The following PALM2AKAP2 variants were observed in gnomAD, a reference collection of about 807,000 sequenced individuals.
PALM2AKAP2 encodes PALM2 and AKAP2 fusion.
A neutral mutation model predicts 71.5 loss-of-function variants in PALM2AKAP2; 37 were observed. The observed-to-expected ratio is 0.52, with a 90% CI of 0.40 to 0.68. PALM2AKAP2 has a LOEUF of 0.68. PALM2AKAP2 is among the 30% of genes least tolerant of loss of function. The pLI is 0.00. For missense variants in PALM2AKAP2, 1,224 were observed against 1,191.8 expected (o/e 1.03, Z -0.40); for synonymous variants, 468 against 478.8 (o/e 0.98, Z 0.29).
At chr9:109,792,045 G>C (rs575833402) in intron 1 of PALM2AKAP2, among the ~76,000 whole-genome samples, 23 of 152,274 alleles carry the variant, frequency 1.5e-4, no homozygotes, top group Middle Eastern at 6.8e-3. Flanking sequence ...ATAGTATGTG[G>C]GAATGGGGGC....
At chr9:109,855,396 C>T (rs1266594193) in intron 1 of PALM2AKAP2, among the ~76,000 whole-genome samples, 1 of 152,124 alleles carries the variant, frequency 6.6e-6, no homozygotes, top group African/African-American at 2.4e-5. Flanking sequence ...TCTTTAATGG[C>T]TGTGTTTTAT....
chr9:109,809,915 T>C (rs1827683389), intron 1 of PALM2AKAP2, among the ~76,000 whole-genome samples: 1 of 152,198 alleles, frequency 6.6e-6, no homozygotes, highest in Non-Finnish European at 1.5e-5. Flanking sequence ...GAAGGACATG[T>C]TTGCTTCCCC....
chr9:109,784,464 G>A (rs1038454649), intron 1 of PALM2AKAP2, among the ~76,000 whole-genome samples: 11 of 152,102 alleles, frequency 7.2e-5, no homozygotes, highest in East Asian at 1.9e-4. Flanking sequence ...TTGTTTATTC[G>A]TTATTTGATT....
intron 3 of PALM2AKAP2, among the ~76,000 whole-genome samples, chr9:109,887,966 C>T (rs140754652): frequency 1.1e-4 from 17 of 152,166 alleles, no homozygotes; most frequent in African/African-American, 3.1e-4. Flanking sequence ...GTGCATCAGA[C>T]GCACCATGAC....
intron 1 of PALM2AKAP2, among the ~76,000 whole-genome samples, chr9:109,654,750 GGTGT>G (rs374397482): frequency 8.9e-4 from 131 of 147,290 alleles, no homozygotes; most frequent in East Asian, 3.8e-3. Context: ...GTATGTGTAT[GGTGT>G]GTGTGTGTGT....
intron 6 of PALM2AKAP2, among the ~76,000 whole-genome samples, chr9:109,997,889 G>A (rs1469130360): frequency 6.6e-6 from 1 of 152,226 alleles, no homozygotes; most frequent in Non-Finnish European, 1.5e-5. Flanking sequence ...GCTTATCCTG[G>A]GGTGGGGCTT....
chr9:109,996,195 G>T (rs572368776), intron 6 of PALM2AKAP2, among the ~76,000 whole-genome samples: 33 of 152,278 alleles, frequency 2.2e-4, no homozygotes, highest in African/African-American at 7.7e-4. Flanking sequence ...ACATTTTTAG[G>T]GAGCAAATGT....
chr9:109,795,180 C>T lies in PALM2AKAP2; in HGVS notation c.45+14647C>T, dbSNP rs150085025. Among the ~76,000 whole-genome samples, 531 of 152,308 alleles carry T rather than the reference C, an allele frequency of 3.5e-3. 2 individuals carry two copies. The highest frequency in any genetic ancestry group is 0.012 in the African/African-American group (504 of 41,572). ...CTCTATCCATTAAATGCTAGTAGCACACCCCACTCTTCATTGTGACAATCA... is the reference window on the plus strand; with the variant it reads ...CTCTATCCATTAAATGCTAGTAGCATACCCCACTCTTCATTGTGACAATCA... On this transcript the variant is annotated intron_variant, in intron 1 of 9. Coordinates refer to the PALM2AKAP2 transcript ENST00000302798.
rs186652074 is a variant in PALM2AKAP2, at chr9:109,983,142, A to T, written c.497-32812A>T. Among the ~76,000 whole-genome samples, 308 of 152,220 alleles carry T rather than the reference A, an allele frequency of 2.0e-3. 1 individual carries two copies. Among genetic ancestry groups the T allele is most frequent in the African/African-American group, 6.7e-3 (280 of 41,536 alleles). On this transcript the variant is annotated intron_variant, in intron 6 of 9. Transcript: ENST00000302798. ...GGGTTTTCTTTCTATGAGAGTGGGG[A>T]TTCCTCTATAAAATTTCCGGCTTTC...
chr9:110,031,196 C>T (rs188340935), intron 7 of PALM2AKAP2, among the ~76,000 whole-genome samples: 85 of 152,286 alleles, frequency 5.6e-4, no homozygotes, highest in African/African-American at 1.7e-3. Flanking sequence ...CATCTTGGCT[C>T]ACTGCAACCT....
chr9:110,106,872 G>A (rs915622468), intron 1 of PALM2AKAP2, among the ~76,000 whole-genome samples: 1 of 152,192 alleles, frequency 6.6e-6, no homozygotes, highest in African/African-American at 2.4e-5. Context: ...TTCAATTCCA[G>A]CAATTAGCCC....
intron 4 of PALM2AKAP2, 117 bp from the exon 5 acceptor site, chr9:109,924,944 A>G (rs1386533245): frequency 1.4e-6 from 2 of 1,473,488 alleles, no homozygotes; most frequent in Non-Finnish European, 1.9e-6. Context: ...TCCCCAGCAC[A>G]GTCAAATTCT....
upstream of PALM2AKAP2, chr9:110,048,670 A>G (rs956528748): frequency 4.2e-5 from 63 of 1,497,958 alleles, no homozygotes; most frequent in Non-Finnish European, 5.2e-5. Context: ...CCCGCCCTCC[A>G]GCGCGCCCGG....
intron 1 of PALM2AKAP2, among the ~76,000 whole-genome samples, chr9:109,832,531 A>G (rs1828332890): frequency 1.3e-5 from 2 of 152,242 alleles, no homozygotes; most frequent in African/African-American, 4.8e-5. Context: ...CTGCCAGACA[A>G]TAATCTGAGG....
chr9:110,010,988 C>G (rs1461686147), intron 6 of PALM2AKAP2, among the ~76,000 whole-genome samples: 7 of 75,938 alleles, frequency 9.2e-5, no homozygotes, highest in Non-Finnish European at 1.6e-4. Context: ...AAGAGCGAAA[C>G]TCTGTCTCAA....
intron 1 of PALM2AKAP2, among the ~76,000 whole-genome samples, chr9:110,070,248 G>C (rs529804354): frequency 6.6e-6 from 1 of 152,180 alleles, no homozygotes; most frequent in East Asian, 1.9e-4. Context: ...GAGAAGCTAC[G>C]GGAATGGTTC....
chr9:109,681,635 T>C (rs1028009664), intron 1 of PALM2AKAP2, among the ~76,000 whole-genome samples: 2 of 152,250 alleles, frequency 1.3e-5, no homozygotes, highest in African/African-American at 4.8e-5. Context: ...GATGGAGTTT[T>C]CATTTTTACA....
chr9:109,905,058 C>A (rs894446997), intron 3 of PALM2AKAP2, among the ~76,000 whole-genome samples: 1 of 152,208 alleles, frequency 6.6e-6, no homozygotes, highest in Non-Finnish European at 1.5e-5. Context: ...ATTCTACCCT[C>A]ACAGAACATT....
chr9:110,011,170 T>A (rs893843880), intron 6 of PALM2AKAP2, among the ~76,000 whole-genome samples: 2 of 147,168 alleles, frequency 1.4e-5, no homozygotes, highest in Admixed American at 6.8e-5. Context: ...ATTTTTTATA[T>A]GTATGGAATA....
Sources: allele counts gnomAD v4.1 joint callset (sites outside exome capture counted in the v4.1 genomes callset), GRCh38; gene constraint gnomAD v4.1.1; transcripts MANE v1.5; gene names NCBI Gene and HGNC (gene_info 2026-07-23, HGNC 2026-07-21).